The following SCN11A variants were observed in gnomAD, a reference collection of about 807,000 sequenced individuals.
The protein encoded by SCN11A is sodium voltage-gated channel alpha subunit 11.
A neutral mutation model predicts 162.2 loss-of-function variants in SCN11A; 122 were observed. The ratio of observed to expected loss-of-function variants is 0.75; its 90% CI spans 0.65 to 0.87. The LOEUF (loss-of-function observed/expected upper bound fraction) is 0.87, where lower values mean the gene tolerates loss of function less well. SCN11A is among the 40% of genes least tolerant of loss of function. SCN11A has a pLI of 0.00. For synonymous variants in SCN11A, 758 were observed against 751.5 expected (o/e 1.01, Z -0.14); for missense variants, 2,015 against 2,181.6 (o/e 0.92, Z 1.52).
chr3:39,003,747 T>C (rs1427483883), intron 2 of SCN11A, among the ~76,000 whole-genome samples: 2 of 152,268 alleles, frequency 1.3e-5, no homozygotes, highest in Non-Finnish European at 2.9e-5. Context: ...TGGTATCTCA[T>C]TGTGGTTTCT....
chr3:39,018,422 T>G (rs1218493648), intron 2 of SCN11A, among the ~76,000 whole-genome samples: 1 of 152,234 alleles, frequency 6.6e-6, no homozygotes, highest in Non-Finnish European at 1.5e-5. Context: ...GGGTTCCCCT[T>G]CCTGTTCTAA....
At chr3:38,930,887 G>C (rs939555742) in intron 7 of SCN11A, among the ~76,000 whole-genome samples, 10 of 152,118 alleles carry the variant, frequency 6.6e-5, no homozygotes, top group Admixed American at 3.3e-4. Flanking sequence ...GCTTAAAGAG[G>C]GGTTTTCCTC....
At chr3:38,981,494 T>C (rs1206191338) in intron 2 of SCN11A, among the ~76,000 whole-genome samples, 1 of 151,934 alleles carries the variant, frequency 6.6e-6, no homozygotes. Context: ...CCCATCTTCC[T>C]GGTACCTTTA....
chr3:38,876,174 C>A (rs1050341378), intron 23 of SCN11A, among the ~76,000 whole-genome samples: 2 of 152,092 alleles, frequency 1.3e-5, no homozygotes, highest in Admixed American at 6.6e-5. Context: ...GAGAATGAAA[C>A]TGGATCCTCA....
chr3:39,023,592 T>C, intron 2 of SCN11A, among the ~76,000 whole-genome samples: 1 of 151,772 alleles, frequency 6.6e-6, no homozygotes, highest in Non-Finnish European at 1.5e-5. Flanking sequence ...TCAAGCAGAA[T>C]ATAAAGGTAG....
At chr3:38,960,017 T>C (rs1011778537) in intron 3 of SCN11A, among the ~76,000 whole-genome samples, 4 of 152,110 alleles carry the variant, frequency 2.6e-5, no homozygotes, top group African/African-American at 9.7e-5. Flanking sequence ...AAGTCCAGGG[T>C]TGCAAGCGCC....
At chr3:38,867,588 G>T in intron 26 of SCN11A, 130 bp from the exon 27 acceptor site, 1 of 657,922 alleles carries the variant, frequency 1.5e-6, no homozygotes. Context: ...CTTCCTAACA[G>T]CCATAGCCCC....
At chr3:38,971,125 C>G (rs901196049) in intron 2 of SCN11A, among the ~76,000 whole-genome samples, 12 of 152,032 alleles carry the variant, frequency 7.9e-5, no homozygotes, top group African/African-American at 2.9e-4. Flanking sequence ...CACCCATACA[C>G]TTACACACTC....
At chr3:39,018,551 G>T (rs2031358583) in intron 2 of SCN11A, among the ~76,000 whole-genome samples, 1 of 152,150 alleles carries the variant, frequency 6.6e-6, no homozygotes, top group South Asian at 2.1e-4. Flanking sequence ...AGGCGCGGTG[G>T]CTCAAGCCTG....
chr3:38,905,043 G>A, intron 15 of SCN11A, 149 bp downstream of exon 15: 1 of 991,884 alleles, frequency 1.0e-6, no homozygotes, highest in Non-Finnish European at 1.5e-6. Flanking sequence ...GCTCCAAAGA[G>A]GCAAAGGAAG....
intron 28 of SCN11A, among the ~76,000 whole-genome samples, chr3:38,859,790 AT>A (rs1361335173): frequency 6.6e-6 from 1 of 152,188 alleles, no homozygotes; most frequent in African/African-American, 2.4e-5. Flanking sequence ...AACAAAATTG[AT>A]AATAGATCTT....
chr3:38,903,732 CTT>C (rs1461775235), intron 16 of SCN11A, 131 bp downstream of exon 16: 1 of 642,624 alleles, frequency 1.6e-6, no homozygotes, highest in Non-Finnish European at 2.6e-6. Context: ...TAACAGCCAT[CTT>C]TTCCCTCACT....
chr3:38,979,280 T>G lies in SCN11A; in HGVS notation c.-279-18857A>C, dbSNP rs115844505. ...TTGAAATCTAAGTAGTAAAGTGCAA[T>G]TCCATGTGGATGTAACTTTTTTCTT... On this transcript the variant is annotated intron_variant, in intron 2 of 29. Transcript: ENST00000302328. 3.4e-3 allele frequency among the ~76,000 whole-genome samples: 520 copies of G among 152,346 alleles called. 6 individuals carry two copies. Among genetic ancestry groups the G allele is most frequent in the African/African-American group, 0.012 (482 of 41,576 alleles).
chr3:38,862,814 C>T (rs548132140), intron 28 of SCN11A, among the ~76,000 whole-genome samples: 1 of 152,132 alleles, frequency 6.6e-6, no homozygotes, highest in Non-Finnish European at 1.5e-5. Context: ...GTGACAGGTG[C>T]ACCAAACTCT....
chr3:38,929,356 A>T (rs1307120573), intron 7 of SCN11A, among the ~76,000 whole-genome samples: 1 of 152,212 alleles, frequency 6.6e-6, no homozygotes, highest in Non-Finnish European at 1.5e-5. Context: ...AAAAAGACAA[A>T]TACTGTGTGA....
intron 7 of SCN11A, among the ~76,000 whole-genome samples, chr3:38,944,413 G>A (rs1443412862): frequency 2.7e-5 from 4 of 150,642 alleles, no homozygotes; most frequent in Non-Finnish European, 4.4e-5. Flanking sequence ...TGCAAGCTCC[G>A]CCTCCCAGGT....
chr3:38,900,627 CAAAA>C (rs200757973), intron 16 of SCN11A, among the ~76,000 whole-genome samples: 2,363 of 101,808 alleles, frequency 0.023, 70 homozygotes, highest in African/African-American at 0.067. Context: ...CTTCCAGGGG[CAAAA>C]AAAAAAAAAA....
At chr3:38,919,579 T>C (rs886185458) in intron 11 of SCN11A, among the ~76,000 whole-genome samples, 6 of 152,190 alleles carry the variant, frequency 3.9e-5, no homozygotes, top group Non-Finnish European at 7.3e-5. Flanking sequence ...CAGATACTCT[T>C]GCAGCAGGGC....
chr3:39,005,295 A>G (rs1219779352), intron 2 of SCN11A, among the ~76,000 whole-genome samples: 2 of 152,212 alleles, frequency 1.3e-5, no homozygotes, highest in Non-Finnish European at 2.9e-5. Flanking sequence ...GGTACTGAGT[A>G]TAAAACAGTA....
Sources: allele counts gnomAD v4.1 joint callset (sites outside exome capture counted in the v4.1 genomes callset), GRCh38; gene constraint gnomAD v4.1.1; transcripts MANE v1.5; gene names NCBI Gene and HGNC (gene_info 2026-07-23, HGNC 2026-07-21).